The following TNIP2 variants were observed in gnomAD, a reference collection of about 807,000 sequenced individuals.
The protein encoded by TNIP2 is TNFAIP3-interacting protein 2.
In TNIP2, 30 loss-of-function variants were observed where a neutral mutation model predicts 43.7. That is an observed-to-expected ratio of 0.69 (90% CI 0.51 to 0.93). The LOEUF is 0.93. Ranked by LOEUF, TNIP2 falls within the 40% of genes least tolerant of loss-of-function variation. The pLI is 0.00. For synonymous variants in TNIP2, 260 were observed against 254.6 expected (o/e 1.02, Z -0.20); for missense variants, 599 against 591.0 (o/e 1.01, Z -0.14).
intron 1 of TNIP2, among the ~76,000 whole-genome samples, chr4:2,754,122 T>C (rs148099662): frequency 9.8e-5 from 15 of 152,366 alleles, no homozygotes; most frequent in African/African-American, 3.4e-4. Context: ...AAAAAGGGCA[T>C]GTTTCTTTTT....
chr4:2,745,401 T>C (rs749059236), intron 3 of TNIP2, 45 bp downstream of exon 3: 1 of 1,436,858 alleles, frequency 7.0e-7, no homozygotes, highest in Admixed American at 1.8e-5. Flanking sequence ...ACTTACAGTT[T>C]GTAAGCCATG....
At chr4:2,755,392 A>T (rs1722205023) in intron 1 of TNIP2, among the ~76,000 whole-genome samples, 1 of 151,140 alleles carries the variant, frequency 6.6e-6, no homozygotes, top group East Asian at 1.9e-4. Flanking sequence ...ACACACACAG[A>T]ACCCAAGAAC....
chr4:2,742,660 G>C (rs1484215052), intron 5 of TNIP2, 140 bp from the exon 6 acceptor site: 4 of 892,048 alleles, frequency 4.5e-6, no homozygotes, highest in Non-Finnish European at 6.5e-6. Context: ...CTGCGCCCCA[G>C]AGCCCAGACA....
At position 2,753,729 on chromosome 4, in the gene TNIP2, G is replaced by C. The variant is rs1422824580; in HGVS notation, c.276+2285C>G. On this transcript the variant is annotated intron_variant, in intron 1 of 5. Coordinates refer to ENST00000315423, the MANE Select transcript of TNIP2 (RefSeq NM_024309.4). ...CTTCGGAGTGTCCTTCCGGGTCCTT[G>C]GTCTGTACTCATCTGTGGCTCCTGG... is the stretch of plus-strand genomic sequence containing the variant. Among the ~76,000 whole-genome samples the C allele has an allele frequency of 5.3e-5, 8 of 152,156 alleles. 1 individual carries two copies. The highest frequency in any genetic ancestry group is 4.4e-5 in the Non-Finnish European group (3 of 68,038).
At chr4:2,747,993 T>C (rs771762788) in intron 1 of TNIP2, 48 bp from the exon 2 acceptor site, 75 of 1,581,288 alleles carry the variant, frequency 4.7e-5, no homozygotes, top group Non-Finnish European at 5.8e-5. Context: ...AAAGAAGCAG[T>C]GTCAAGAGCA....
chr4:2,750,547 C>T (rs777209765), intron 1 of TNIP2, among the ~76,000 whole-genome samples: 13 of 152,136 alleles, frequency 8.5e-5, no homozygotes, highest in Non-Finnish European at 1.8e-4. Flanking sequence ...CCGTCTCAAC[C>T]TCCCAAATAG....
Position 2,756,224 on chromosome 4 carries a change from G to A in TNIP2, c.66C>T (p.Thr22=). ...EAPRAAAALC[T]LYHEAGQRLR... ...GCCGCTGTCCGGCCTCGTGGTACAG[G>A]GTGCAGAGCGCGGCAGCTGCGCGCG... Residue 22 remains threonine, a synonymous_variant, in exon 1 of 6, where the codon ACC becomes ACT. Transcript: ENST00000315423. 1.4e-6 allele frequency: 2 copies of A among 1,463,340 alleles called. No individual in the cohort carries two copies. Among genetic ancestry groups the A allele is most frequent in the Non-Finnish European group, 1.8e-6 (2 of 1,114,892 alleles). The allele number at this position is 1,463,340 out of a possible 1,614,324, so 90.6% of individuals were successfully genotyped here. A position where few individuals can be genotyped will look rare whatever the true frequency, so the allele number is the denominator to read the frequency against.
rs774220349 is a variant in TNIP2, at chr4:2,747,967, A to T, written c.277-22T>A. On this transcript the variant is annotated intron_variant, in intron 1 of 5. Transcript: ENST00000315423. ...TTTCCTAAGTGGAAGATTTAAAAGC[A>T]CAGTTTACTGAATTAAAAGAAGCAG... The T allele has an allele frequency of 8.1e-6, 13 of 1,604,778 alleles. No individual in the cohort carries two copies. In the South Asian group the frequency reaches 1.4e-4, roughly 18 times the overall value.
At chr4:2,742,563 G>A (rs1237376112) in intron 5 of TNIP2, 43 bp from the exon 6 acceptor site, 15 of 1,446,778 alleles carry the variant, frequency 1.0e-5, no homozygotes, top group South Asian at 2.9e-5. Context: ...CTGTGCTGAC[G>A]GTCACAAAGC....
intron 1 of TNIP2, 149 bp downstream of exon 1, chr4:2,755,865 C>A (rs1379699872): frequency 3.6e-5 from 41 of 1,138,846 alleles, no homozygotes; most frequent in Non-Finnish European, 4.5e-5. Flanking sequence ...GCTCCCCCAA[C>A]CCCTCAGGAC....
intron 1 of TNIP2, among the ~76,000 whole-genome samples, chr4:2,753,929 C>T (rs971415153): frequency 1.3e-5 from 2 of 152,216 alleles, no homozygotes; most frequent in African/African-American, 2.4e-5. Flanking sequence ...TTAAGTACAA[C>T]TGTATACACA....
At chr4:2,742,983 A>T (rs1414582399) in intron 5 of TNIP2, among the ~76,000 whole-genome samples, 1 of 152,120 alleles carries the variant, frequency 6.6e-6, no homozygotes, top group East Asian at 1.9e-4. Context: ...TAGCAGCAAG[A>T]GGTGTCCCTG....
At chr4:2,752,384 G>A (rs1212258910) in intron 1 of TNIP2, among the ~76,000 whole-genome samples, 3 of 152,192 alleles carry the variant, frequency 2.0e-5, no homozygotes, top group African/African-American at 4.8e-5. Context: ...TGTTACAGAT[G>A]AGGTAAGGTC....
Position 2,747,930 on chromosome 4 carries a change from T to A in TNIP2, c.292A>T (p.Thr98Ser). ...CTCTCTTTTTCTTCTAGTCGCTCAG[T>A]CAGCCTCTCAATTTCCTAAGTGGAA... ...AQMRQEIERL[T>S]ERLEEKEREM... The change falls in exon 2 of 6, where the codon ACT becomes TCT. Residue 98 changes from threonine to serine, a missense_variant. Thr to Ser is a moderately conservative substitution (Grantham distance 58). Transcript: ENST00000315423. 6.2e-7 allele frequency: 1 copy of A among 1,612,032 alleles called. No individual in the cohort carries two copies. The highest frequency in any genetic ancestry group is 1.3e-5 in the African/African-American group (1 of 75,038).
chr4:2,755,580 A>C, intron 1 of TNIP2, among the ~76,000 whole-genome samples: 1 of 53,504 alleles, frequency 1.9e-5, no homozygotes, highest in Non-Finnish European at 3.7e-5. Context: ...CAAACCCCCC[A>C]GGACCCAGCA....
intron 2 of TNIP2, among the ~76,000 whole-genome samples, chr4:2,746,936 G>A (rs4690055): frequency 0.43 from 65,600 of 151,978 alleles, 14,648 homozygotes; most frequent in Admixed American, 0.58. Context: ...AAACTCCCAC[G>A]GTCCTTCTCT....
At chr4:2,752,879 A>G (rs955662893) in intron 1 of TNIP2, among the ~76,000 whole-genome samples, 1 of 152,094 alleles carries the variant, frequency 6.6e-6, no homozygotes, top group Non-Finnish European at 1.5e-5. Context: ...CCCCTTCTCT[A>G]CAAAAACTTA....
intron 1 of TNIP2, 62 bp from the exon 2 acceptor site, chr4:2,748,007 G>A: frequency 6.4e-7 from 1 of 1,557,550 alleles, no homozygotes; most frequent in Non-Finnish European, 8.7e-7. Context: ...AAGAGCAAAT[G>A]TTCAGAAAGC....
In TNIP2 at chr4:2,744,859, C is replaced by T. The variant is rs1187497788; in HGVS notation, c.744G>A (p.Leu248=). The change falls in exon 4 of 6, where the codon CTG becomes CTA. Residue 248 remains leucine (L), a synonymous_variant. Coordinates refer to ENST00000315423, the MANE Select transcript of TNIP2 (RefSeq NM_024309.4). The surrounding 1 kb of genome is among the most constrained non-coding windows in gnomAD (Gnocchi z 5.1). ...TCAGCTCGGGCTCGTGGGGGATCTG[C>T]AGCCCCCTGAGCTGCGCATGGAGCC... is the stretch of plus-strand genomic sequence containing the variant. ...VRGLHAQLRG[L]QIPHEPELMR... is the part of the protein sequence containing the mutation. 1.9e-6 allele frequency: 3 copies of T among 1,613,994 alleles called. No homozygotes were observed. Among genetic ancestry groups the T allele is most frequent in the South Asian group, 2.2e-5 (2 of 91,086 alleles).
Sources: gnomAD v4.1 joint callset for allele counts (sites outside exome capture counted in the v4.1 genomes callset) on GRCh38, gnomAD v4.1.1 for gene constraint, Gnocchi (gnomAD v3.1) non-coding constraint, MANE v1.5 for transcripts, NCBI Gene and HGNC (gene_info 2026-07-23, HGNC 2026-07-21) for gene names.